The following KCNN2 variants were observed in gnomAD, a reference collection of about 807,000 sequenced individuals.
KCNN2 encodes the protein small conductance calcium-activated potassium channel protein 2.
A neutral mutation model predicts 55.5 loss-of-function variants in KCNN2; 24 were observed. The ratio of observed to expected loss-of-function variants is 0.43; its 90% CI spans 0.31 to 0.61. KCNN2 has a LOEUF of 0.61. Among genes scored for constraint, KCNN2 ranks in the 20% least tolerant of loss-of-function variants. The probability of loss-of-function intolerance (pLI) is 0.08; values close to 1 mark genes in which losing one functional copy is unlikely to be tolerated. For synonymous variants in KCNN2, 431 were observed against 336.1 expected, an observed-to-expected ratio of 1.28 and a Z score of -3.09; for missense variants, 754 against 853.6, an observed-to-expected ratio of 0.88 and a Z score of 1.45.
intron 3 of KCNN2, among the ~76,000 whole-genome samples, chr5:114,419,913 A>C (rs1759424685): frequency 6.6e-6 from 1 of 152,228 alleles, no homozygotes; most frequent in Non-Finnish European, 1.5e-5. Context: ...CAGCAGGATC[A>C]CTTGAGCCCA....
At chr5:114,132,441 A>G (rs1752090131) in intron 1 of KCNN2, among the ~76,000 whole-genome samples, 1 of 152,222 alleles carries the variant, frequency 6.6e-6, no homozygotes, top group Admixed American at 6.5e-5. Context: ...AGATGGTTGT[A>G]GATGGGCTAT....
intron 1 of KCNN2, among the ~76,000 whole-genome samples, chr5:114,118,563 C>T (rs995038321): frequency 2.0e-5 from 3 of 151,972 alleles, no homozygotes; most frequent in Non-Finnish European, 4.4e-5. Flanking sequence ...AGACAGATGC[C>T]TTCTTCCTCT....
chr5:114,241,194 ACT>A lies in KCNN2; in HGVS notation c.-185+19632_-185+19633del, dbSNP rs1754611448. Among the ~76,000 whole-genome samples, 9 of 151,880 alleles carry A rather than the reference ACT, an allele frequency of 5.9e-5. No homozygotes were observed. The South Asian group carries it at 1.9e-3, about 32-fold the overall frequency. On this transcript the variant is annotated intron_variant, in intron 2 of 10. Transcript: ENST00000512097. ...AAACAGTAAATGTCTGGATAAAATA[ACT>A]CTAATGTCACAAAAATAGCAATAAT...
intron 2 of KCNN2, among the ~76,000 whole-genome samples, chr5:114,326,038 T>G (rs539411622): frequency 6.6e-6 from 1 of 152,328 alleles, no homozygotes; most frequent in East Asian, 1.9e-4. Flanking sequence ...ACAAAGTAAC[T>G]TCAGTTTGGG....
chr5:114,187,475 C>G (rs1753357176), intron 1 of KCNN2, among the ~76,000 whole-genome samples: 1 of 148,544 alleles, frequency 6.7e-6, no homozygotes, highest in South Asian at 2.1e-4. Flanking sequence ...TTTCCAAGGG[C>G]TATTAATATG....
chr5:114,177,626 TC>T (rs1753163234), intron 1 of KCNN2, among the ~76,000 whole-genome samples: 2 of 36,116 alleles, frequency 5.5e-5, no homozygotes, highest in African/African-American at 1.7e-4. Flanking sequence ...TTAACATAGT[TC>T]CTGAAACAGA....
In KCNN2 at chr5:114,093,056, C is replaced by T. The variant is rs116507344; in HGVS notation, c.-271+36556C>T. ...GAAAATGGGTTTTTCTTTTCTGTCA[C>T]ATTGTCAGGATGCAGATTTTCCAAG... On this transcript the variant is annotated intron_variant, in intron 1 of 10. Transcript: ENST00000512097. Among the ~76,000 whole-genome samples, 978 of 152,274 alleles carry T rather than the reference C, an allele frequency of 6.4e-3. 13 individuals are homozygous for T. The highest frequency in any genetic ancestry group is 0.022 in the African/African-American group (914 of 41,550).
chr5:114,320,312 T>G (rs566648272), intron 2 of KCNN2, among the ~76,000 whole-genome samples: 9 of 152,086 alleles, frequency 5.9e-5, no homozygotes, highest in African/African-American at 2.2e-4. Flanking sequence ...TTAGTCCAAT[T>G]TAAAGAAAAC....
chr5:114,375,743 A>G (rs183443685), intron 2 of KCNN2, among the ~76,000 whole-genome samples: 2 of 151,964 alleles, frequency 1.3e-5, no homozygotes, highest in Admixed American at 6.6e-5. Context: ...ATCAAAGAGG[A>G]TATTTGATGG....
At chr5:114,220,128 G>C (rs139522991) in intron 1 of KCNN2, among the ~76,000 whole-genome samples, 1 of 152,100 alleles carries the variant, frequency 6.6e-6, no homozygotes, top group East Asian at 1.9e-4. Flanking sequence ...AAAACTGGCC[G>C]TGTAAAACAA....
intron 2 of KCNN2, among the ~76,000 whole-genome samples, chr5:114,223,181 A>T (rs1754178174): frequency 6.6e-6 from 1 of 152,224 alleles, no homozygotes. Context: ...ATGTCAATTG[A>T]TAGCATCCAT....
intron 2 of KCNN2, among the ~76,000 whole-genome samples, chr5:114,315,073 T>C (rs1364833162): frequency 2.0e-5 from 3 of 151,990 alleles, no homozygotes; most frequent in African/African-American, 7.2e-5. Context: ...CCAACCTAGG[T>C]TTCTTATATT....
intron 2 of KCNN2, among the ~76,000 whole-genome samples, chr5:114,340,602 A>G (rs2150036326): frequency 6.6e-6 from 1 of 152,298 alleles, no homozygotes; most frequent in Non-Finnish European, 1.5e-5. Flanking sequence ...ACATTGTGAA[A>G]TAGTTACAAC....
At chr5:114,383,398 A>G (rs1758185004) in intron 2 of KCNN2, among the ~76,000 whole-genome samples, 1 of 148,822 alleles carries the variant, frequency 6.7e-6, no homozygotes, top group Non-Finnish European at 1.5e-5. Flanking sequence ...GGGTGTGAAT[A>G]TGGTCTTAGA....
intron 2 of KCNN2, among the ~76,000 whole-genome samples, chr5:114,281,591 G>GTC (rs146112749): frequency 1.9e-4 from 28 of 147,206 alleles, no homozygotes; most frequent in Admixed American, 8.9e-4. Flanking sequence ...GTCAATCTCT[G>GTC]TCTCTCTCTC....
chr5:114,321,452 T>A (rs368474490), intron 2 of KCNN2, among the ~76,000 whole-genome samples: 44 of 152,232 alleles, frequency 2.9e-4, no homozygotes, highest in African/African-American at 1.0e-3. Flanking sequence ...GATCTCCTCA[T>A]CTGGAATACA....
intron 3 of KCNN2, among the ~76,000 whole-genome samples, chr5:114,454,367 A>G (rs906840379): frequency 2.0e-5 from 3 of 152,000 alleles, no homozygotes; most frequent in Non-Finnish European, 4.4e-5. Context: ...ATTCTCTCGT[A>G]TTAAGAGTGG....
At position 114,125,899 on chromosome 5, in the gene KCNN2, G is replaced by A. The variant is rs559441747; in HGVS notation, c.-271+69399G>A. On this transcript the variant is annotated intron_variant, in intron 1 of 10. Coordinates refer to the KCNN2 transcript ENST00000512097. ...CATTTTAACTTAATTACCTCTTAAA[G>A]GCCCTATCTCCAAACAGTCACAAAG... 1.5e-4 allele frequency among the ~76,000 whole-genome samples: 23 copies of A among 152,208 alleles called. No individual in the cohort carries two copies. In the South Asian group the frequency reaches 3.7e-3, roughly 25 times the overall value.
In KCNN2 at chr5:114,201,171, C is replaced by T. The variant is rs984396649; in HGVS notation, c.-270-20309C>T. Among the ~76,000 whole-genome samples the T allele has an allele frequency of 2.6e-5, 4 of 152,098 alleles. No individual in the cohort carries two copies. In the East Asian group the frequency reaches 5.8e-4, roughly 22 times the overall value. ...GTGGTGTTAGAAGCTGCAATGAATT[C>T]GTGGGCTAATCCTAAGTCCCACAGC... On this transcript the variant is annotated intron_variant, in intron 1 of 10. Coordinates refer to the KCNN2 transcript ENST00000512097.
Sources: allele counts gnomAD v4.1 joint callset (sites outside exome capture counted in the v4.1 genomes callset), GRCh38; gene constraint gnomAD v4.1.1; transcripts MANE v1.5; gene names NCBI Gene and HGNC (gene_info 2026-07-23, HGNC 2026-07-21).